The following CSPG4 variants were observed in gnomAD, a reference collection of about 807,000 sequenced individuals.
CSPG4 encodes chondroitin sulfate proteoglycan 4.
In CSPG4, 74 loss-of-function variants were observed where a neutral mutation model predicts 139.3. The observed-to-expected ratio is 0.53, with a 90% CI of 0.44 to 0.64. The LOEUF (loss-of-function observed/expected upper bound fraction) is 0.64. Ranked by LOEUF, CSPG4 falls within the 30% of genes least tolerant of loss-of-function variation. CSPG4 has a pLI of 0.00. For missense variants in CSPG4, 2,565 were observed against 3,148.3 expected (o/e 0.81, Z 4.43); for synonymous variants, 1,234 against 1,394.2 (o/e 0.89, Z 2.56).
chr15:75,712,893 AG>A (rs1402870165), upstream of CSPG4: 1 of 660,650 alleles, frequency 1.5e-6, no homozygotes, highest in Non-Finnish European at 2.4e-6. Context: ...GGGGCGGGGC[AG>A]GCGCAGACCC....
rs1444777605 is a variant in CSPG4 at position 75,677,891 on chromosome 15, G to A, written c.4951-5C>T. 1 of 1,599,652 alleles carries A rather than the reference G, an allele frequency of 6.3e-7. No homozygotes were observed. Among genetic ancestry groups the A allele is most frequent in the Non-Finnish European group, 8.5e-7 (1 of 1,173,604 alleles). Reference sequence around the variant, plus strand: ...CAGAATATTCCCAGCGTAGACCTAGGGGAGACACCATCGTGGGGTGAGAGG... The same window carrying A: ...CAGAATATTCCCAGCGTAGACCTAGAGGAGACACCATCGTGGGGTGAGAGG... On this transcript the variant is annotated splice_region_variant and splice_polypyrimidine_tract_variant and intron_variant, in intron 8 of 9. Coordinates refer to ENST00000308508, the MANE Select transcript of CSPG4 (RefSeq NM_001897.5).
At position 75,688,960 on chromosome 15, in the gene CSPG4, C is replaced by G; in HGVS notation, c.2105G>C (p.Arg702Pro). The G allele has an allele frequency of 1.9e-6, 3 of 1,612,558 alleles. No individual in the cohort carries two copies. The highest frequency in any genetic ancestry group is 2.2e-5 in the South Asian group (2 of 91,062). The change falls in exon 3 of 10, where the codon CGC (arginine) becomes CCC (proline). Residue 702 changes from arginine (R) to proline (P), a missense_variant. Arg to Pro is a moderately radical substitution (Grantham distance 103). Around this residue, in one of 5 missense-constraint regions of CSPG4, gnomAD observed 2,316 missense variants for 2,818.2 expected, o/e 0.82. Transcript: ENST00000308508. Reference sequence around the variant, plus strand: ...CCCAAACTGCAGGGCCCCAGTGACGCGGAACAGCACGCTCACATCCTGCCC... The same window carrying G: ...CCCAAACTGCAGGGCCCCAGTGACGGGGAACAGCACGCTCACATCCTGCCC... ...AVGQDVSVLF[R>P]VTGALQFGEL... is the part of the protein sequence containing the mutation.
Position 75,685,311 on chromosome 15 carries a change from T to C in CSPG4, c.4180A>G (p.Ser1394Gly), listed in dbSNP as rs376232582. The change falls in exon 4 of 10, where the codon AGC (serine) becomes GGC (glycine). Residue 1394 changes from serine (S) to glycine (G), a missense_variant. By Grantham distance (56) the Ser-to-Gly change is moderately conservative. Transcript: ENST00000308508. ...TGGGGTGGCTCCAGCACCTGCAGGC[T>C]GAGGCCCAGGAGAGTGGGGAAGTAG... ...GPYFPTLLGL[S>G]LQVLEPPQHG... is the part of the protein sequence containing the mutation. The C allele has an allele frequency of 3.9e-5, 62 of 1,595,742 alleles. No individual in the cohort carries two copies. Among genetic ancestry groups the C allele is most frequent in the Non-Finnish European group, 5.1e-5 (60 of 1,169,034 alleles).
intron 1 of CSPG4, among the ~76,000 whole-genome samples, chr15:75,700,951 T>C (rs1266517151): frequency 2.6e-5 from 4 of 152,262 alleles, no homozygotes; most frequent in South Asian, 2.1e-4. Context: ...CAGAAGTCCA[T>C]GTCCAGGGCA....
chr15:75,676,894 T>C lies in CSPG4; in HGVS notation c.5625A>G (p.Ala1875=), dbSNP rs753808942. The change falls in exon 10 of 10, where the codon GCA becomes GCG. Residue 1875 remains alanine (A), a synonymous_variant. Transcript: ENST00000308508. ...CCAGGCTGAGGAAGCCGTTGTGGGG[T>C]GCCCGCTGGACCTCGTACTCAATCT... ...PGEIEYEVQR[A]PHNGFLSLVG... is the part of the protein sequence containing the mutation. 7 of 1,588,004 alleles carry C rather than the reference T, an allele frequency of 4.4e-6. No homozygotes were observed. The Admixed American group carries it at 1.0e-4, about 24-fold the overall frequency.
Position 75,689,182 on chromosome 15 carries a change from T to G in CSPG4, c.1883A>C (p.Tyr628Ser), listed in dbSNP as rs750978688. The change falls in exon 3 of 10, where the codon TAT (tyrosine) becomes TCT (serine). Residue 628 changes from tyrosine to serine, a missense_variant. This residue lies in a region of CSPG4 where 2,316 missense variants were observed against 2,818.2 expected (regional missense o/e 0.82). Coordinates refer to ENST00000308508, the MANE Select transcript of CSPG4 (RefSeq NM_001897.5). ...CTGTGCAGGACCACCGCGGTGGACA[T>G]AGACTAGGCTGCCGGCCTCCAACTC... ...CRELEAGSLV[Y>S]VHRGGPAQDL... 6.2e-7 allele frequency: 1 copy of G among 1,605,296 alleles called. No homozygotes were observed. The highest frequency in any genetic ancestry group is 1.3e-5 in the African/African-American group (1 of 74,752).
rs776073261 is a variant in CSPG4, at chr15:75,688,607, T to G, written c.2458A>C (p.Thr820Pro). The change falls in exon 3 of 10, where the codon ACC (threonine) becomes CCC (proline). Residue 820 changes from threonine to proline, a missense_variant. Thr to Pro is a conservative substitution (Grantham distance 38). This residue lies in a region of CSPG4 where 2,316 missense variants were observed against 2,818.2 expected (regional missense o/e 0.82). Transcript: ENST00000308508. ...TLEEAGPSPP[T>P]FHYEVVQAPR... Reference sequence around the variant, plus strand: ...GCCTGAACCACCTCATAATGGAAGGTTGGGGGGCTTGGGCCTGCCTCCTCC... The same window carrying G: ...GCCTGAACCACCTCATAATGGAAGGGTGGGGGGCTTGGGCCTGCCTCCTCC... The G allele has an allele frequency of 3.1e-6, 5 of 1,612,716 alleles. No homozygotes were observed. Among genetic ancestry groups the G allele is most frequent in the Non-Finnish European group, 4.2e-6 (5 of 1,179,936 alleles).
chr15:75,677,035 T>C lies in CSPG4; in HGVS notation c.5484A>G (p.Val1828=). 7.0e-7 allele frequency: 1 copy of C among 1,433,226 alleles called. No homozygotes were observed. Among genetic ancestry groups the C allele is most frequent in the Non-Finnish European group, 9.2e-7 (1 of 1,086,850 alleles). 88.8% of individuals were successfully genotyped at this position (1,433,226 alleles called of 1,614,324 possible). A position where few individuals can be genotyped will look rare whatever the true frequency, so the allele number is the denominator to read the frequency against. ...CCTGTGGCTGAGGGGGCCGCTCATTTACATCCCTCACCGTGATGGCAAAGG... is the reference window on the plus strand; with the variant it reads ...CCTGTGGCTGAGGGGGCCGCTCATTCACATCCCTCACCGTGATGGCAAAGG... ...SEAFAITVRD[V]NERPPQPQAS... The change falls in exon 10 of 10, where the codon GTA becomes GTG. Residue 1828 remains valine, a synonymous_variant. Transcript: ENST00000308508.
chr15:75,689,570 C>A lies in CSPG4; in HGVS notation c.1495G>T (p.Val499Leu), dbSNP rs544709070. 1 of 1,612,682 alleles carries A rather than the reference C, an allele frequency of 6.2e-7. No individual in the cohort carries two copies. The highest frequency in any genetic ancestry group is 2.2e-5 in the East Asian group (1 of 44,878). The change falls in exon 3 of 10, where the codon GTG becomes TTG. Residue 499 changes from valine (V) to leucine (L), a missense_variant. By Grantham distance (32) the Val-to-Leu change is conservative. This residue lies in a region of CSPG4 where 2,316 missense variants were observed against 2,818.2 expected (regional missense o/e 0.82). Transcript: ENST00000308508. ...QARKMFTLLDVVNRKARFIHD... is the reference protein window; with the variant it reads ...QARKMFTLLDLVNRKARFIHD... ...ATGAAGCGGGCCTTGCGGTTCACCA[C>A]GTCCAGGAGGGTGAACATTTTTCGT...
Position 75,692,702 on chromosome 15 carries a change from G to A in CSPG4, c.252+368C>T, listed in dbSNP as rs568964947. Among the ~76,000 whole-genome samples, 17 of 152,328 alleles carry A rather than the reference G, an allele frequency of 1.1e-4. 1 individual carries two copies. In the East Asian group the frequency reaches 3.3e-3, roughly 29 times the overall value. On this transcript the variant is annotated intron_variant, in intron 2 of 9. Coordinates refer to ENST00000308508, the MANE Select transcript of CSPG4 (RefSeq NM_001897.5). ...GATGCCCACACTGAGACTTCAAGGA[G>A]AGGCTGGAGTTAGGCATGTGCAGGG...
Position 75,685,357 on chromosome 15 carries a change from T to A in CSPG4, c.4134A>T (p.Pro1378=). 6.2e-7 allele frequency: 1 copy of A among 1,610,364 alleles called. No homozygotes were observed. Among genetic ancestry groups the A allele is most frequent in the Non-Finnish European group, 8.5e-7 (1 of 1,179,026 alleles). Residue 1378 remains proline (P), a synonymous_variant, in exon 4 of 10, where the codon CCA becomes CCT. Transcript: ENST00000308508. ...AGTAGGGCCCGGAGACACGGAGCAG[T>A]GGAGGGGCCAGGGTGAGGCTGCCAC... ...PEGGSLTLAP[P]LLRVSGPYFP... is the part of the protein sequence containing the mutation.
At chr15:75,680,049 A>G (rs1173294593) in intron 8 of CSPG4, 1 of 152,278 alleles carries the variant, frequency 6.6e-6, no homozygotes, top group Non-Finnish European at 1.5e-5. Flanking sequence ...GACTTGCCCA[A>G]TAGTAACATG....
chr15:75,675,477 A>G lies in CSPG4; in HGVS notation c.*73T>C, dbSNP rs961601424. ...TGGGGATACTCAGACAGCACCAGGC[A>G]TGGAAGCAATGGGGCCCGGGACATG... On this transcript the variant is annotated 3_prime_UTR_variant, in exon 10 of 10. Coordinates refer to ENST00000308508, the MANE Select transcript of CSPG4 (RefSeq NM_001897.5). The G allele has an allele frequency of 1.4e-6, 2 of 1,391,812 alleles. No individual in the cohort carries two copies. Among genetic ancestry groups the G allele is most frequent in the Non-Finnish European group, 1.9e-6 (2 of 1,065,226 alleles). The allele number at this position is 1,391,812 out of a possible 1,614,324, so 86.2% of individuals were successfully genotyped here.
intron 2 of CSPG4, among the ~76,000 whole-genome samples, chr15:75,692,609 T>G (rs1894179243): frequency 6.6e-6 from 1 of 152,198 alleles, no homozygotes; most frequent in Non-Finnish European, 1.5e-5. Flanking sequence ...GCAGAGAAAT[T>G]GGTGCAGTGC....
intron 1 of CSPG4, among the ~76,000 whole-genome samples, chr15:75,709,920 C>G (rs1464267512): frequency 6.6e-6 from 1 of 151,842 alleles, no homozygotes. Context: ...TCCGGGTGGG[C>G]TGGGCCAAGG....
At position 75,684,821 on chromosome 15, in the gene CSPG4, C is replaced by A. The variant is rs769139632; in HGVS notation, c.4364G>T (p.Arg1455Leu). The change falls in exon 5 of 10, where the codon CGC (arginine) becomes CTC (leucine). Residue 1455 changes from arginine to leucine, a missense_variant. This residue lies in a region of CSPG4 where 2,316 missense variants were observed against 2,818.2 expected (regional missense o/e 0.82). Coordinates refer to ENST00000308508, the MANE Select transcript of CSPG4 (RefSeq NM_001897.5). ...AGTGAAGGCCACAGGATGGCTCTGG[C>A]GATCCATCTCGGAGGCATTAGCCAT... ...VLMANASEMD[R>L]QSHPVAFTVT... 1 of 1,613,406 alleles carries A rather than the reference C, an allele frequency of 6.2e-7. No homozygotes were observed. Among genetic ancestry groups the A allele is most frequent in the Non-Finnish European group, 8.5e-7 (1 of 1,179,740 alleles).
chr15:75,675,146 T>C lies in CSPG4; in HGVS notation c.*404A>G, dbSNP rs1390530029. 1 of 307,106 alleles carries C rather than the reference T, an allele frequency of 3.3e-6. No individual in the cohort carries two copies. Among genetic ancestry groups the C allele is most frequent in the Non-Finnish European group, 5.9e-6 (1 of 168,286 alleles). 19.0% of individuals were successfully genotyped at this position (307,106 alleles called of 1,614,324 possible). A position where few individuals can be genotyped will look rare whatever the true frequency, so the allele number is the denominator to read the frequency against. ...GCCAGGAATAGCTTCCTCTGTCCCT[T>C]CCCTCCCCAGGGTACTTCCTTCTCC... is the stretch of plus-strand genomic sequence containing the variant. On this transcript the variant is annotated 3_prime_UTR_variant, in exon 10 of 10. Coordinates refer to ENST00000308508, the MANE Select transcript of CSPG4 (RefSeq NM_001897.5).
Position 75,677,060 on chromosome 15 carries a change from G to A in CSPG4, c.5459C>T (p.Ala1820Val). 1 of 1,419,158 alleles carries A rather than the reference G, an allele frequency of 7.0e-7. No individual in the cohort carries two copies. 87.9% of individuals were successfully genotyped at this position (1,419,158 alleles called of 1,614,324 possible). ...TACATCCCTCACCGTGATGGCAAAGGCCTCTGAGGTTTGGGGTCCAGCCAC... is the reference window on the plus strand; with the variant it reads ...TACATCCCTCACCGTGATGGCAAAGACCTCTGAGGTTTGGGGTCCAGCCAC... ...ASVAGPQTSE[A>V]FAITVRDVNE... Residue 1820 changes from alanine (A) to valine (V), a missense_variant, in exon 10 of 10, where the codon GCC (alanine) becomes GTC (valine). Around this residue, in one of 5 missense-constraint regions of CSPG4, gnomAD observed 2,316 missense variants for 2,818.2 expected, o/e 0.82. Coordinates refer to ENST00000308508, the MANE Select transcript of CSPG4 (RefSeq NM_001897.5).
chr15:75,699,665 G>A (rs558950083), intron 1 of CSPG4, among the ~76,000 whole-genome samples: 1 of 152,324 alleles, frequency 6.6e-6, no homozygotes, highest in Admixed American at 6.5e-5. Context: ...GGAAATGAGA[G>A]GTTTTGAGGG....
Sources: allele counts gnomAD v4.1 joint callset (sites outside exome capture counted in the v4.1 genomes callset), GRCh38; gene constraint gnomAD v4.1.1; regional missense constraint gnomAD v4.1.1; transcripts MANE v1.5; gene names NCBI Gene and HGNC (gene_info 2026-07-23, HGNC 2026-07-21).